ZFP36L1: variants seen among roughly 807,000 people sequenced by gnomAD.
ZFP36L1 encodes ZFP36 like 1 zinc finger CCCH-type, also known as mRNA decay activator protein ZFP36L1.
A neutral mutation model predicts 16.7 loss-of-function variants in ZFP36L1; 4 were observed. That is an observed-to-expected ratio of 0.24 (90% CI 0.12 to 0.55). The LOEUF is 0.55. Ranked by LOEUF, ZFP36L1 falls within the 20% of genes least tolerant of loss-of-function variation. The pLI is 0.94. For synonymous variants in ZFP36L1, 220 were observed against 190.8 expected (o/e 1.15, Z -1.26); for missense variants, 311 against 449.2 (o/e 0.69, Z 2.78).
At chr14:68,792,580 A>G (rs1269937001) in intron 1 of ZFP36L1, among the ~76,000 whole-genome samples, 1 of 152,038 alleles carries the variant, frequency 6.6e-6, no homozygotes, top group Non-Finnish European at 1.5e-5. Flanking sequence ...AGGATCGCCC[A>G]AAACTTGTCC....
At chr14:68,792,838 A>C in intron 1 of ZFP36L1, 44 bp downstream of exon 1, 1 of 1,612,946 alleles carries the variant, frequency 6.2e-7, no homozygotes. Flanking sequence ...CTTAAGGCAA[A>C]AGAAAAAGAC....
upstream of ZFP36L1, among the ~76,000 whole-genome samples, chr14:68,795,344 G>A (rs1462731853): frequency 2.0e-5 from 3 of 150,106 alleles, no homozygotes; most frequent in South Asian, 2.1e-4. Context: ...AGGCCGGCTG[G>A]TCTTTAACTC....
chr14:68,787,951 T>G lies in ZFP36L1; in HGVS notation c.*1582A>C, dbSNP rs1221784935. The G allele has an allele frequency of 6.6e-6, 1 of 152,448 alleles. No individual in the cohort carries two copies. Among genetic ancestry groups the G allele is most frequent in the Non-Finnish European group, 1.5e-5 (1 of 67,982 alleles). The allele number at this position is 152,448 out of a possible 1,614,324, so 9.4% of individuals were successfully genotyped here. ...TTCTCTTTTTTTTTTTTTCCCCTTT[T>G]AGAAGCTATACATAAAAAGTTGTTT... On this transcript the variant is annotated 3_prime_UTR_variant, in exon 2 of 2. Coordinates refer to ENST00000439696, the MANE Select transcript of ZFP36L1 (RefSeq NM_004926.4).
At chr14:68,793,192 T>G, upstream of ZFP36L1, 1 of 1,056,368 alleles carries the variant, frequency 9.5e-7, no homozygotes, top group Non-Finnish European at 1.1e-6. Flanking sequence ...TGGAGTTGAA[T>G]CAGCCATGCG....
In ZFP36L1 at chr14:68,789,636, T is replaced by G; in HGVS notation, c.914A>C (p.Tyr305Ser). The G allele has an allele frequency of 6.2e-7, 1 of 1,613,658 alleles. No homozygotes were observed. The highest frequency in any genetic ancestry group is 8.5e-7 in the Non-Finnish European group (1 of 1,179,722). The stretch of plus-strand genomic sequence containing the variant: ...GTGGCTGCTGCTGGAGCTGCTCAGG[T>G]AGCCCTCCTGGTCCGAGAGAGAATC... ...PQDSLSDQEG[Y>S]LSSSSSSHSG... is the part of the protein sequence containing the mutation. The change falls in exon 2 of 2, where the codon TAC becomes TCC. Residue 305 changes from tyrosine (Y) to serine (S), a missense_variant. By Grantham distance (144) the Tyr-to-Ser change is moderately radical (BLOSUM62 -2). Coordinates refer to ENST00000439696, the MANE Select transcript of ZFP36L1 (RefSeq NM_004926.4). The surrounding 1 kb of genome is among the most constrained non-coding windows in gnomAD (Gnocchi z 4.5).
upstream of ZFP36L1, among the ~76,000 whole-genome samples, chr14:68,794,914 T>C (rs1194344256): frequency 6.6e-6 from 1 of 152,202 alleles, no homozygotes; most frequent in Non-Finnish European, 1.5e-5. Flanking sequence ...TTGTCTCCTC[T>C]GCCCGAAATG....
chr14:68,793,986 T>C, upstream of ZFP36L1: 1 of 957,090 alleles, frequency 1.0e-6, no homozygotes, highest in Non-Finnish European at 1.2e-6. Flanking sequence ...TTACCAGGCC[T>C]AGGCGTGCCG....
At chr14:68,795,200 G>C (rs1187125582), upstream of ZFP36L1, among the ~76,000 whole-genome samples, 4 of 152,220 alleles carry the variant, frequency 2.6e-5, no homozygotes, top group Non-Finnish European at 5.9e-5. Context: ...ATGAGTTCCA[G>C]ATTTCAGGAC....
chr14:68,792,816 T>TG (rs3215689), intron 1 of ZFP36L1, 66 bp downstream of exon 1: 343,006 of 1,605,702 alleles, frequency 0.21, 39,010 homozygotes, highest in African/African-American at 0.36. Flanking sequence ...CCCAAACTTT[T>TG]GGGGGTTCTT....
chr14:68,793,068 G>C, upstream of ZFP36L1: 3 of 1,581,024 alleles, frequency 1.9e-6, no homozygotes, highest in Non-Finnish European at 1.7e-6. Flanking sequence ...TTCTGACTCC[G>C]GGCTGGGGCG....
upstream of ZFP36L1, chr14:68,793,617 C>T (rs1330986483): frequency 1.0e-6 from 1 of 985,818 alleles, no homozygotes; most frequent in Admixed American, 6.1e-5. Context: ...TGGCGGTCTC[C>T]TTGAAACTTC....
upstream of ZFP36L1, chr14:68,795,947 C>T (rs767853422): frequency 3.0e-5 from 38 of 1,247,812 alleles, no homozygotes; most frequent in Non-Finnish European, 3.9e-5. Flanking sequence ...CCAGGGGTGG[C>T]GGGAGGGCGG....
At chr14:68,795,712 G>A (rs1182467025), upstream of ZFP36L1, 10 of 501,744 alleles carry the variant, frequency 2.0e-5, no homozygotes, top group Non-Finnish European at 4.1e-5. Context: ...TTGTTTACCG[G>A]CCCCGCCGAC....
chr14:68,795,394 G>A (rs1895223137), upstream of ZFP36L1, among the ~76,000 whole-genome samples: 1 of 151,806 alleles, frequency 6.6e-6, no homozygotes, highest in South Asian at 2.1e-4. Flanking sequence ...ACCGGAGGAG[G>A]GGCTGGAAAA....
At chr14:68,792,063 A>G (rs577890336) in intron 1 of ZFP36L1, among the ~76,000 whole-genome samples, 1 of 152,346 alleles carries the variant, frequency 6.6e-6, no homozygotes, top group African/African-American at 2.4e-5. Context: ...CAGTCCTGGA[A>G]CATTCCGAGT....
upstream of ZFP36L1, among the ~76,000 whole-genome samples, chr14:68,795,060 T>G (rs1895211553): frequency 6.6e-6 from 1 of 152,148 alleles, no homozygotes; most frequent in South Asian, 2.1e-4. Flanking sequence ...GGGAAATAAC[T>G]TCCATCCACC....
rs1479826274 is a variant in ZFP36L1, at chr14:68,788,073, G to A, written c.*1460C>T. On this transcript the variant is annotated 3_prime_UTR_variant, in exon 2 of 2. Transcript: ENST00000439696. ...ACTCAATTTGCAGTCCAACACAAAGGGGGGAATTTCTAAAATAAATAATCC... is the reference window on the plus strand; with the variant it reads ...ACTCAATTTGCAGTCCAACACAAAGAGGGGAATTTCTAAAATAAATAATCC... 2 of 152,338 alleles carry A rather than the reference G, an allele frequency of 1.3e-5. No individual in the cohort carries two copies. The highest frequency in any genetic ancestry group is 3.8e-4 in the East Asian group (2 of 5,332). The allele number at this position is 152,338 out of a possible 1,614,324, so 9.4% of individuals were successfully genotyped here.
At chr14:68,792,692 C>T (rs1895127680) in intron 1 of ZFP36L1, among the ~76,000 whole-genome samples, 190 bp downstream of exon 1, 4 of 152,298 alleles carry the variant, frequency 2.6e-5, no homozygotes, top group South Asian at 2.1e-4. Context: ...CCGCCAGCAA[C>T]TGTTGAAACT....
At chr14:68,794,392 T>TA (rs1895193216), upstream of ZFP36L1, 1 of 152,132 alleles carries the variant, frequency 6.6e-6, no homozygotes, top group Non-Finnish European at 1.5e-5. Context: ...TTGAAAATGA[T>TA]AAAATATATA....
Sources: gnomAD v4.1 joint callset for allele counts (sites outside exome capture counted in the v4.1 genomes callset) on GRCh38, gnomAD v4.1.1 for gene constraint, Gnocchi (gnomAD v3.1) non-coding constraint, MANE v1.5 for transcripts, NCBI Gene and HGNC (gene_info 2026-07-23, HGNC 2026-07-21) for gene names.